The following STXBP5L variants were observed in gnomAD, a reference collection of about 807,000 sequenced individuals.
STXBP5L encodes syntaxin-binding protein 5-like.
In STXBP5L, 65 loss-of-function variants were observed where a neutral mutation model predicts 144.5. The ratio of observed to expected loss-of-function variants is 0.45; its 90% CI spans 0.37 to 0.55. The LOEUF (loss-of-function observed/expected upper bound fraction) is 0.55. Among genes scored for constraint, STXBP5L ranks in the 20% least tolerant of loss-of-function variants. The probability of loss-of-function intolerance (pLI) is 0.00; values close to 1 mark genes in which losing one functional copy is unlikely to be tolerated. For synonymous variants in STXBP5L, 505 were observed against 469.6 expected (o/e 1.08, Z -0.97); for missense variants, 1,298 against 1,405.5 (o/e 0.92, Z 1.22).
chr3:121,048,817 C>T (rs1189661160), intron 5 of STXBP5L, among the ~76,000 whole-genome samples: 1 of 152,110 alleles, frequency 6.6e-6, no homozygotes, highest in Non-Finnish European at 1.5e-5. Context: ...TCCTGAGTAG[C>T]TGGGACTACA....
chr3:121,351,268 A>G, intron 20 of STXBP5L, among the ~76,000 whole-genome samples: 1 of 152,140 alleles, frequency 6.6e-6, no homozygotes, highest in East Asian at 1.9e-4. Context: ...AGGCTGCAGA[A>G]CAGCGGATAT....
intron 9 of STXBP5L, chr3:121,157,829 C>A: frequency 1.6e-6 from 1 of 616,610 alleles, no homozygotes; most frequent in Non-Finnish European, 2.5e-6. Context: ...CAACCCACAT[C>A]CCTGTTTTGT....
intron 18 of STXBP5L, among the ~76,000 whole-genome samples, chr3:121,261,838 A>G (rs2050391644): frequency 6.6e-6 from 1 of 152,220 alleles, no homozygotes; most frequent in Admixed American, 6.5e-5. Flanking sequence ...GGAAAAAATA[A>G]GAGAAGTTTC....
At chr3:121,269,841 T>G (rs1013813707) in intron 18 of STXBP5L, among the ~76,000 whole-genome samples, 4 of 152,204 alleles carry the variant, frequency 2.6e-5, no homozygotes, top group Non-Finnish European at 5.9e-5. Context: ...GACTGTGCAG[T>G]ACAGTGAAGT....
intron 11 of STXBP5L, among the ~76,000 whole-genome samples, chr3:121,227,028 T>C (rs2049143423): frequency 6.6e-6 from 1 of 152,126 alleles, no homozygotes; most frequent in Non-Finnish European, 1.5e-5. Context: ...CCCAATTGTA[T>C]CCTGCTTTCA....
At chr3:121,095,929 G>A (rs890477963) in intron 5 of STXBP5L, among the ~76,000 whole-genome samples, 1 of 152,052 alleles carries the variant, frequency 6.6e-6, no homozygotes, top group South Asian at 2.1e-4. Flanking sequence ...ATCTACCTTT[G>A]GTCTTCAATG....
At chr3:121,245,865 G>A (rs1481464043) in intron 14 of STXBP5L, among the ~76,000 whole-genome samples, 1 of 152,136 alleles carries the variant, frequency 6.6e-6, no homozygotes, top group Non-Finnish European at 1.5e-5. Flanking sequence ...CACATTTTCA[G>A]TAATGAACAG....
chr3:121,167,392 A>G (rs926244697), intron 9 of STXBP5L, among the ~76,000 whole-genome samples: 9 of 152,194 alleles, frequency 5.9e-5, no homozygotes, highest in African/African-American at 2.2e-4. Flanking sequence ...AAATAAAGAT[A>G]TTTTAGCTGC....
At chr3:120,912,418 A>G (rs1708889499) in intron 2 of STXBP5L, among the ~76,000 whole-genome samples, 1 of 152,000 alleles carries the variant, frequency 6.6e-6, no homozygotes, top group African/African-American at 2.4e-5. Context: ...TTCAGAAATT[A>G]TAAGAATAAA....
intron 8 of STXBP5L, among the ~76,000 whole-genome samples, chr3:121,153,691 C>T (rs1031943137): frequency 6.6e-6 from 1 of 151,830 alleles, no homozygotes; most frequent in East Asian, 1.9e-4. Context: ...CTGCACAATT[C>T]GTTATCAGTC....
intron 6 of STXBP5L, among the ~76,000 whole-genome samples, chr3:121,120,272 A>T (rs1388728778): frequency 2.0e-5 from 3 of 151,276 alleles, no homozygotes; most frequent in Admixed American, 2.0e-4. Flanking sequence ...AAAGACATTA[A>T]ACCTTATCAG....
chr3:121,094,022 G>C (rs559689539), intron 5 of STXBP5L, among the ~76,000 whole-genome samples: 1 of 152,120 alleles, frequency 6.6e-6, no homozygotes, highest in African/African-American at 2.4e-5. Flanking sequence ...CCTTCATTTT[G>C]TTATGTGCCC....
chr3:121,167,094 G>T (rs1277864867), intron 9 of STXBP5L, among the ~76,000 whole-genome samples: 4 of 152,218 alleles, frequency 2.6e-5, no homozygotes, highest in Admixed American at 2.6e-4. Flanking sequence ...AGTCCAAGTG[G>T]TAAAGAGAAA....
chr3:121,163,942 G>A (rs2046410032), intron 9 of STXBP5L, among the ~76,000 whole-genome samples: 1 of 151,928 alleles, frequency 6.6e-6, no homozygotes. Flanking sequence ...TTAAAAAACA[G>A]GTTTATTGGG....
intron 20 of STXBP5L, among the ~76,000 whole-genome samples, chr3:121,362,358 G>C (rs1313015830): frequency 3.3e-5 from 5 of 152,216 alleles, no homozygotes; most frequent in African/African-American, 1.2e-4. Context: ...CCAGGCTTGT[G>C]TCCTTCTCTT....
At chr3:120,961,253 T>C (rs1576495284) in intron 3 of STXBP5L, among the ~76,000 whole-genome samples, 2 of 151,156 alleles carry the variant, frequency 1.3e-5, no homozygotes, top group South Asian at 4.2e-4. Context: ...TTAGAGGCTA[T>C]ACTTTAGTCT....
chr3:120,991,793 A>G (rs552191189), intron 3 of STXBP5L, among the ~76,000 whole-genome samples: 52 of 148,086 alleles, frequency 3.5e-4, no homozygotes, highest in African/African-American at 1.3e-3. Context: ...GGCAAACATC[A>G]CACACCGGGG....
chr3:121,248,413 A>G (rs1191904324), intron 14 of STXBP5L, among the ~76,000 whole-genome samples: 1 of 151,788 alleles, frequency 6.6e-6, no homozygotes, highest in Non-Finnish European at 1.5e-5. Flanking sequence ...GCATTTTTTC[A>G]TGTTTGTTGG....
At chr3:121,347,940 A>T (rs1348170769) in intron 20 of STXBP5L, among the ~76,000 whole-genome samples, 1 of 152,084 alleles carries the variant, frequency 6.6e-6, no homozygotes, top group Non-Finnish European at 1.5e-5. Context: ...CGAATTGAAT[A>T]CCCTTTATTT....
Sources: allele counts gnomAD v4.1 joint callset (sites outside exome capture counted in the v4.1 genomes callset), GRCh38; gene constraint gnomAD v4.1.1; transcripts MANE v1.5; gene names NCBI Gene and HGNC (gene_info 2026-07-23, HGNC 2026-07-21).